Variants in SPTBN4 observed in about 807,000 individuals in gnomAD.
SPTBN4 encodes the protein spectrin beta chain, non-erythrocytic 4.
Under a neutral mutation model 277.8 loss-of-function variants are expected in SPTBN4, and 96 were observed. The observed-to-expected ratio is 0.35, with a 90% CI of 0.29 to 0.41. The LOEUF is 0.41. SPTBN4 is among the 10% of genes least tolerant of loss of function. The pLI is 1.00. For missense variants in SPTBN4, 3,006 were observed against 3,595.7 expected (o/e 0.84, Z 4.19); for synonymous variants, 1,481 against 1,580.3 (o/e 0.94, Z 1.49).
intron 2 of SPTBN4, among the ~76,000 whole-genome samples, chr19:40,473,167 C>T (rs12985679): frequency 0.2 from 30,631 of 151,940 alleles, 3,336 homozygotes; most frequent in Non-Finnish European, 0.23. Context: ...CTACCTCAGC[C>T]CCCTGACTAG....
intron 16 of SPTBN4, among the ~76,000 whole-genome samples, chr19:40,521,932 A>G (rs1179003422): frequency 3.3e-5 from 5 of 152,082 alleles, no homozygotes; most frequent in Admixed American, 3.3e-4. Flanking sequence ...TGCAGGTGTG[A>G]GCCACCATGC....
chr19:40,494,058 G>C (rs186908808), intron 5 of SPTBN4, among the ~76,000 whole-genome samples: 165 of 152,216 alleles, frequency 1.1e-3, no homozygotes, highest in African/African-American at 3.9e-3. Context: ...TACTGGGAAG[G>C]TTCCCTTTGG....
chr19:40,555,709 G>A (rs1232962454), intron 24 of SPTBN4, among the ~76,000 whole-genome samples: 2 of 151,832 alleles, frequency 1.3e-5, no homozygotes, highest in Admixed American at 1.3e-4. Flanking sequence ...GATCGTTTGA[G>A]CCCAGGAGTT....
chr19:40,518,671 G>A (rs763147301), intron 15 of SPTBN4, among the ~76,000 whole-genome samples: 3 of 152,124 alleles, frequency 2.0e-5, no homozygotes, highest in Non-Finnish European at 4.4e-5. Context: ...CGATCCACCT[G>A]CTTCCGTCTT....
In SPTBN4 at chr19:40,515,420, C is replaced by G. The variant is rs745817076; in HGVS notation, c.2875C>G (p.Arg959Gly). The change falls in exon 15 of 36, where the codon CGT (arginine) becomes GGT (glycine). Residue 959 changes from arginine to glycine, a missense_variant. Around this residue, in one of 5 missense-constraint regions of SPTBN4, gnomAD observed 1,759 missense variants for 2,061.5 expected, o/e 0.85. Coordinates refer to ENST00000598249, the MANE Select transcript of SPTBN4 (RefSeq NM_020971.3). This position sits in a 1 kb window ranked among gnomAD's most constrained non-coding sequence, Gnocchi z 4.1. ...EGGHPSSDEV[R>G]SCQDHLNSRW... ...AGGCCACCCCAGTTCAGATGAGGTG[C>G]GTTCCTGCCAGGACCACCTCAACAG... 12 of 1,575,842 alleles carry G rather than the reference C, an allele frequency of 7.6e-6. No individual in the cohort carries two copies. The highest frequency in any genetic ancestry group is 6.9e-5 in the East Asian group (3 of 43,486).
chr19:40,536,234 G>A (rs563469983), intron 20 of SPTBN4, among the ~76,000 whole-genome samples: 10 of 144,630 alleles, frequency 6.9e-5, no homozygotes, highest in South Asian at 4.3e-4. Context: ...TGCTTCCTTC[G>A]TTGGAGTCTT....
intron 20 of SPTBN4, among the ~76,000 whole-genome samples, chr19:40,537,838 T>C (rs928622880): frequency 6.6e-6 from 1 of 152,132 alleles, no homozygotes; most frequent in African/African-American, 2.4e-5. Context: ...GTGCCCAGGA[T>C]GTGGTAAGCC....
intron 17 of SPTBN4, among the ~76,000 whole-genome samples, chr19:40,524,049 C>T (rs1038433863): frequency 3.9e-5 from 6 of 152,286 alleles, no homozygotes; most frequent in African/African-American, 1.4e-4. Flanking sequence ...ACCTTGGCCT[C>T]CCAAAGTGCT....
Position 40,513,455 on chromosome 19 carries a change from A to T in SPTBN4, c.2666A>T (p.Glu889Val). 1 of 1,603,850 alleles carries T rather than the reference A, an allele frequency of 6.2e-7. No homozygotes were observed. The highest frequency in any genetic ancestry group is 8.5e-7 in the Non-Finnish European group (1 of 1,178,830). Residue 889 changes from glutamate to valine, a missense_variant, in exon 14 of 36, where the codon GAG (glutamate) becomes GTG (valine). Physicochemically the swap from Glu to Val is moderately radical, Grantham distance 121. This residue lies in a region of SPTBN4 where 1,759 missense variants were observed against 2,061.5 expected (regional missense o/e 0.85). Transcript: ENST00000598249. ...CTCGCTGTCTACCGCATGTTTGGCG[A>T]GGTGCACGCGTGTGAGCTGTGGATC... is the stretch of plus-strand genomic sequence containing the variant. ...DALAVYRMFG[E>V]VHACELWIGE...
chr19:40,502,454 A>G lies in SPTBN4; in HGVS notation c.1150A>G (p.Asn384Asp), dbSNP rs1230935654. Residue 384 changes from asparagine (N) to aspartate (D), a missense_variant, in exon 10 of 36, where the codon AAC (asparagine) becomes GAC (aspartate). By Grantham distance (23) the Asn-to-Asp change is conservative. Transcript: ENST00000598249. This position sits in a 1 kb window ranked among gnomAD's most constrained non-coding sequence, Gnocchi z 4.9. The stretch of plus-strand genomic sequence containing the variant: ...CATCCAGAGCAAACTGCGTGCCTGC[A>G]ACCGTCGCCTCTTTGTGCCTCGGGA... ...FSIQSKLRAC[N>D]RRLFVPREGC... is the part of the protein sequence containing the mutation. 1 of 1,613,594 alleles carries G rather than the reference A, an allele frequency of 6.2e-7. No homozygotes were observed. Among genetic ancestry groups the G allele is most frequent in the Non-Finnish European group, 8.5e-7 (1 of 1,180,002 alleles).
chr19:40,537,096 G>C (rs975082852), intron 20 of SPTBN4, among the ~76,000 whole-genome samples: 1 of 152,042 alleles, frequency 6.6e-6, no homozygotes, highest in Non-Finnish European at 1.5e-5. Context: ...TGCAGCCTCT[G>C]CCTCCTGGGT....
At chr19:40,509,149 T>G (rs997270212) in intron 13 of SPTBN4, among the ~76,000 whole-genome samples, 3 of 149,934 alleles carry the variant, frequency 2.0e-5, no homozygotes, top group Non-Finnish European at 3.0e-5. Context: ...CTTGAACTCC[T>G]GGGCTCAAGC....
At chr19:40,565,321 G>A (rs1318589378) in intron 27 of SPTBN4, 102 bp from the exon 28 acceptor site, 6 of 1,355,842 alleles carry the variant, frequency 4.4e-6, no homozygotes, top group East Asian at 2.3e-5. Flanking sequence ...GAGGTGGTAT[G>A]GGATGTCAGC....
At chr19:40,538,056 G>A (rs1005209035) in intron 20 of SPTBN4, among the ~76,000 whole-genome samples, 6 of 152,184 alleles carry the variant, frequency 3.9e-5, no homozygotes, top group African/African-American at 1.4e-4. Flanking sequence ...AACTTGGAAG[G>A]GGAGAGTTGC....
intron 2 of SPTBN4, among the ~76,000 whole-genome samples, chr19:40,485,718 A>G (rs2145820619): frequency 6.6e-6 from 1 of 152,082 alleles, no homozygotes; most frequent in South Asian, 2.1e-4. Context: ...AGGTGGGAGG[A>G]CTGCATAAGC....
intron 17 of SPTBN4, among the ~76,000 whole-genome samples, chr19:40,528,380 G>T (rs2080619983): frequency 6.6e-6 from 1 of 152,176 alleles, no homozygotes; most frequent in Non-Finnish European, 1.5e-5. Flanking sequence ...CTGCCTGCAG[G>T]AGTGCCCACT....
At chr19:40,491,348 G>A (rs2080133408) in intron 4 of SPTBN4, among the ~76,000 whole-genome samples, 1 of 152,144 alleles carries the variant, frequency 6.6e-6, no homozygotes, top group South Asian at 2.1e-4. Context: ...GGATGGAAGG[G>A]GCTAGGTGAT....
intron 13 of SPTBN4, among the ~76,000 whole-genome samples, chr19:40,511,566 G>A (rs1457548918): frequency 6.6e-6 from 1 of 152,036 alleles, no homozygotes; most frequent in Non-Finnish European, 1.5e-5. Flanking sequence ...TTTTCTAGTC[G>A]CCAACTAGCC....
chr19:40,469,175 G>A (rs1047221367), intron 1 of SPTBN4, among the ~76,000 whole-genome samples: 1 of 151,854 alleles, frequency 6.6e-6, no homozygotes, highest in African/African-American at 2.4e-5. Context: ...CCAAGACTTA[G>A]ACCCTGCCTT....
Sources: allele counts gnomAD v4.1 joint callset (sites outside exome capture counted in the v4.1 genomes callset), GRCh38; gene constraint gnomAD v4.1.1; regional missense constraint gnomAD v4.1.1; non-coding constraint Gnocchi (gnomAD v3.1); transcripts MANE v1.5; gene names NCBI Gene and HGNC (gene_info 2026-07-23, HGNC 2026-07-21).